The following TAF4B variants were observed in gnomAD, a reference collection of about 807,000 sequenced individuals.
The protein encoded by TAF4B is transcription initiation factor TFIID subunit 4B.
A neutral mutation model predicts 86.4 loss-of-function variants in TAF4B; 38 were observed. The ratio of observed to expected loss-of-function variants is 0.44; its 90% CI spans 0.34 to 0.58. The LOEUF is 0.58. TAF4B is among the 20% of genes least tolerant of loss of function. TAF4B has a pLI of 0.02. For missense variants in TAF4B, 988 were observed against 1,027.6 expected, an observed-to-expected ratio of 0.96 and a Z score of 0.53; for synonymous variants, 388 against 391.2, an observed-to-expected ratio of 0.99 and a Z score of 0.10.
At chr18:26,243,434 G>A (rs1055886854) in intron 1 of TAF4B, among the ~76,000 whole-genome samples, 5 of 152,210 alleles carry the variant, frequency 3.3e-5, no homozygotes, top group African/African-American at 1.2e-4. Context: ...GCTCCCTCAG[G>A]TCATTTAAGG....
intron 1 of TAF4B, among the ~76,000 whole-genome samples, chr18:26,234,180 A>G (rs1239738231): frequency 6.6e-6 from 1 of 152,210 alleles, no homozygotes; most frequent in African/African-American, 2.4e-5. Context: ...GGGTTGTTCC[A>G]TACCAAGGGT....
chr18:26,327,208 G>A, intron 12 of TAF4B, 68 bp downstream of exon 12: 2 of 1,544,286 alleles, frequency 1.3e-6, no homozygotes, highest in Non-Finnish European at 1.7e-6. Flanking sequence ...TTTATCGTTG[G>A]TTGACTGTCT....
intron 7 of TAF4B, among the ~76,000 whole-genome samples, chr18:26,286,744 C>G (rs1369924127): frequency 1.3e-5 from 2 of 152,024 alleles, no homozygotes; most frequent in East Asian, 3.9e-4. Context: ...AGTGCAGTGG[C>G]ACGATCTCGG....
intron 3 of TAF4B, among the ~76,000 whole-genome samples, chr18:26,268,804 T>TTTTTA (rs2056275842): frequency 6.6e-6 from 1 of 152,002 alleles, no homozygotes; most frequent in African/African-American, 2.4e-5. Flanking sequence ...TTTTATTTAT[T>TTTTTA]TTTTATTTTG....
At chr18:26,255,603 CAA>C (rs71169836) in intron 1 of TAF4B, 5,880 of 476,902 alleles carry the variant, frequency 0.012, no homozygotes, top group South Asian at 0.03. Flanking sequence ...ACTCTGTCTC[CAA>C]AAAAAAAAAA....
chr18:26,320,971 T>C (rs1304803383), intron 10 of TAF4B, 99 bp from the exon 11 acceptor site: 1 of 1,406,466 alleles, frequency 7.1e-7, no homozygotes, highest in Non-Finnish European at 9.8e-7. Context: ...TTATTCATAA[T>C]GGGTATGACT....
chr18:26,243,637 G>A (rs1191582670), intron 1 of TAF4B, among the ~76,000 whole-genome samples: 2 of 152,210 alleles, frequency 1.3e-5, no homozygotes, highest in African/African-American at 4.8e-5. Context: ...GTGAGGAGCT[G>A]CGTTCCTTTG....
At chr18:26,231,214 T>C (rs2055663546) in intron 1 of TAF4B, among the ~76,000 whole-genome samples, 1 of 151,622 alleles carries the variant, frequency 6.6e-6, no homozygotes, top group Non-Finnish European at 1.5e-5. Context: ...TAATTTTTGT[T>C]GTATTTTTAG....
rs79139953 is a variant in TAF4B at position 26,230,570 on chromosome 18, C to G, written c.343+3294C>G. Among the ~76,000 whole-genome samples, 8 of 152,316 alleles carry G rather than the reference C, an allele frequency of 5.3e-5. No homozygotes were observed. In the East Asian group the frequency reaches 1.5e-3, roughly 29 times the overall value. On this transcript the variant is annotated intron_variant, in intron 1 of 14. Coordinates refer to ENST00000269142, the MANE Select transcript of TAF4B (RefSeq NM_005640.3). ...TAAAGTGATAGTGGCCATGGCATTA[C>G]TCTGTCGGTAGTCAGCCCACAGGAG... is the stretch of plus-strand genomic sequence containing the variant.
intron 5 of TAF4B, 60 bp downstream of exon 5, chr18:26,275,113 G>A: frequency 6.8e-7 from 1 of 1,474,026 alleles, no homozygotes; most frequent in Non-Finnish European, 9.1e-7. Flanking sequence ...TGTTGTAATT[G>A]GGAAATGCAT....
chr18:26,274,922 C>A lies in TAF4B; in HGVS notation c.760-9C>A. 1 of 1,611,888 alleles carries A rather than the reference C, an allele frequency of 6.2e-7. No homozygotes were observed. The highest frequency in any genetic ancestry group is 1.3e-5 in the African/African-American group (1 of 74,872). On this transcript the variant is annotated splice_polypyrimidine_tract_variant and intron_variant, in intron 4 of 14. Coordinates refer to ENST00000269142, the MANE Select transcript of TAF4B (RefSeq NM_005640.3). ...TTGTGTTTGCTTATATTTACATTTT[C>A]ATATTTAGACAATGCTAGAAAATGT...
chr18:26,364,387 T>C (rs539150961), intron 14 of TAF4B, among the ~76,000 whole-genome samples: 1 of 150,966 alleles, frequency 6.6e-6, no homozygotes, highest in African/African-American at 2.4e-5. Context: ...GAAATTAGTT[T>C]TTAAATTAAT....
At chr18:26,333,390 T>A (rs2057066823) in intron 12 of TAF4B, among the ~76,000 whole-genome samples, 1 of 149,858 alleles carries the variant, frequency 6.7e-6, no homozygotes, top group Non-Finnish European at 1.5e-5. Context: ...CCAAATTAAA[T>A]TTATTTTATT....
At chr18:26,388,134 G>T (rs1328031993) in intron 14 of TAF4B, among the ~76,000 whole-genome samples, 1 of 152,150 alleles carries the variant, frequency 6.6e-6, no homozygotes, top group Non-Finnish European at 1.5e-5. Context: ...CTATCGAGAC[G>T]TTTTGTGAAA....
In TAF4B at chr18:26,391,109, G is replaced by A. The variant is rs1347987581; in HGVS notation, c.*1097G>A. ...TTATGTTGGATTCTGTACTTAAAAG[G>A]TACTGTCAATATCTCACTCTTGGGG... On this transcript the variant is annotated 3_prime_UTR_variant, in exon 15 of 15. Transcript: ENST00000269142. 7 of 151,686 alleles carry A rather than the reference G, an allele frequency of 4.6e-5. No individual in the cohort carries two copies. The highest frequency in any genetic ancestry group is 1.0e-4 in the Non-Finnish European group (7 of 67,958). The allele number at this position is 151,686 out of a possible 1,614,324, so 9.4% of individuals were successfully genotyped here. A position where few individuals can be genotyped will look rare whatever the true frequency, so the allele number is the denominator to read the frequency against.
intron 6 of TAF4B, among the ~76,000 whole-genome samples, chr18:26,284,049 G>A (rs1457193912): frequency 2.7e-5 from 4 of 145,986 alleles, no homozygotes; most frequent in Non-Finnish European, 4.6e-5. Context: ...GTGAGACTCC[G>A]TCTCAAAAAA....
intron 14 of TAF4B, among the ~76,000 whole-genome samples, chr18:26,387,959 C>A (rs919899773): frequency 3.3e-5 from 5 of 151,996 alleles, no homozygotes; most frequent in Non-Finnish European, 5.9e-5. Context: ...GTTTTGGAGA[C>A]CTTAAGAGAT....
chr18:26,324,497 A>G (rs2056988889), intron 11 of TAF4B, among the ~76,000 whole-genome samples: 1 of 152,218 alleles, frequency 6.6e-6, no homozygotes, highest in Admixed American at 6.5e-5. Context: ...TTTTTAAAGT[A>G]ATATTTATTG....
intron 1 of TAF4B, among the ~76,000 whole-genome samples, chr18:26,244,732 T>A (rs2055896466): frequency 6.6e-6 from 1 of 152,216 alleles, no homozygotes; most frequent in African/African-American, 2.4e-5. Context: ...CTAGAAATTA[T>A]CCTTATAAGA....
Sources: gnomAD v4.1 joint callset for allele counts (sites outside exome capture counted in the v4.1 genomes callset) on GRCh38, gnomAD v4.1.1 for gene constraint, MANE v1.5 for transcripts, NCBI Gene and HGNC (gene_info 2026-07-23, HGNC 2026-07-21) for gene names.